GRM7: variants seen among roughly 807,000 people sequenced by gnomAD.
The protein encoded by GRM7 is metabotropic glutamate receptor 7.
In GRM7, 35 loss-of-function variants were observed where a neutral mutation model predicts 84.5. The observed-to-expected ratio is 0.41, with a 90% CI of 0.32 to 0.55. The LOEUF (loss-of-function observed/expected upper bound fraction) is 0.55. Among genes scored for constraint, GRM7 ranks in the 20% least tolerant of loss-of-function variants. The pLI, the probability that GRM7 is intolerant of heterozygous loss-of-function variation, is 0.19. For missense variants in GRM7, 1,003 were observed against 1,194.6 expected, an observed-to-expected ratio of 0.84 and a Z score of 2.36; for synonymous variants, 487 against 455.1, an observed-to-expected ratio of 1.07 and a Z score of -0.89.
At chr3:6,946,882 T>G (rs1337118491) in intron 1 of GRM7, among the ~76,000 whole-genome samples, 1 of 152,210 alleles carries the variant, frequency 6.6e-6, no homozygotes, top group African/African-American at 2.4e-5. Context: ...AGAAAGCTTG[T>G]GATTTTTGCA....
chr3:7,679,262 AG>A (rs1271933020), intron 8 of GRM7, among the ~76,000 whole-genome samples: 16 of 152,344 alleles, frequency 1.1e-4, no homozygotes, highest in African/African-American at 3.8e-4. Context: ...CATGATCTAA[AG>A]GACAGCCCAA....
At chr3:6,916,171 A>G (rs1313860264) in intron 1 of GRM7, among the ~76,000 whole-genome samples, 3 of 152,222 alleles carry the variant, frequency 2.0e-5, no homozygotes, top group Non-Finnish European at 4.4e-5. Flanking sequence ...CACTAAAGAT[A>G]CAATAATGGG....
At position 7,547,952 on chromosome 3, in the gene GRM7, G is replaced by A. The variant is rs117534611; in HGVS notation, c.1516-30470G>A. On this transcript the variant is annotated intron_variant, in intron 7 of 9. Coordinates refer to ENST00000357716, the MANE Select transcript of GRM7 (RefSeq NM_000844.4). ...TGGAACAGAGAGAGGACTGACTATG[G>A]ATTCTGAAATGAAGCCCAAAAAAGG... is the stretch of plus-strand genomic sequence containing the variant. 2.8e-3 allele frequency among the ~76,000 whole-genome samples: 420 copies of A among 152,304 alleles called. 6 individuals are homozygous for A. Among genetic ancestry groups the A allele is most frequent in the Admixed American group, 0.022 (344 of 15,306 alleles).
chr3:7,328,469 A>G (rs1701069612), intron 4 of GRM7, among the ~76,000 whole-genome samples: 1 of 152,160 alleles, frequency 6.6e-6, no homozygotes, highest in Non-Finnish European at 1.5e-5. Context: ...ATAGGATGCT[A>G]GCAATAGCAC....
At position 7,717,456 on chromosome 3, in the gene GRM7, C is replaced by T. The variant is rs55674027; in HGVS notation, c.2699-22901C>T. On this transcript the variant is annotated intron_variant, in intron 9 of 9. Coordinates refer to ENST00000357716, the MANE Select transcript of GRM7 (RefSeq NM_000844.4). ...TTCTCCACCAGAAAACAGAGTCAGC[C>T]ATCCTGCCACAGGGCTTTCAAATAC... 7.5e-3 allele frequency among the ~76,000 whole-genome samples: 1,147 copies of T among 152,208 alleles called. 10 individuals are homozygous for T. Among genetic ancestry groups the T allele is most frequent in the South Asian group, 0.025 (120 of 4,806 alleles).
intron 1 of GRM7, among the ~76,000 whole-genome samples, chr3:6,950,603 G>T (rs1207379372): frequency 2.0e-5 from 3 of 152,246 alleles, no homozygotes; most frequent in African/African-American, 7.2e-5. Context: ...GGACATTTAA[G>T]TCTGCAGAGG....
chr3:7,448,426 G>C (rs992508480), intron 5 of GRM7, among the ~76,000 whole-genome samples: 12 of 152,102 alleles, frequency 7.9e-5, no homozygotes, highest in African/African-American at 1.9e-4. Context: ...GATTGGATTG[G>C]CTTAGACAAA....
chr3:7,317,652 C>A (rs1700630839), intron 4 of GRM7, among the ~76,000 whole-genome samples: 2 of 151,868 alleles, frequency 1.3e-5, no homozygotes, highest in African/African-American at 4.8e-5. Context: ...GCTAAGTAGG[C>A]ATGGATAGAT....
intron 2 of GRM7, among the ~76,000 whole-genome samples, chr3:7,156,721 A>G (rs1245516141): frequency 6.6e-6 from 1 of 152,190 alleles, no homozygotes; most frequent in Non-Finnish European, 1.5e-5. Context: ...GCCCTTTTGT[A>G]TCATGACCTT....
At chr3:7,690,520 T>C (rs1700760570) in intron 9 of GRM7, among the ~76,000 whole-genome samples, 1 of 152,206 alleles carries the variant, frequency 6.6e-6, no homozygotes, top group Non-Finnish European at 1.5e-5. Flanking sequence ...AAACGTGATG[T>C]CACAGGTTTC....
At chr3:7,666,091 G>A (rs993647699) in intron 8 of GRM7, among the ~76,000 whole-genome samples, 6 of 152,128 alleles carry the variant, frequency 3.9e-5, no homozygotes, top group Non-Finnish European at 8.8e-5. Context: ...TATATACTGT[G>A]AATGAAAAGA....
intron 8 of GRM7, among the ~76,000 whole-genome samples, chr3:7,621,647 G>C (rs1003028345): frequency 1.3e-5 from 2 of 152,074 alleles, no homozygotes; most frequent in African/African-American, 4.8e-5. Context: ...TACAACAGCA[G>C]TGATCAAAGG....
intron 1 of GRM7, among the ~76,000 whole-genome samples, chr3:7,003,238 C>T (rs973834178): frequency 9.9e-5 from 15 of 152,056 alleles, no homozygotes; most frequent in African/African-American, 3.4e-4. Context: ...GAATTGATTT[C>T]TAATGTTCTC....
intron 1 of GRM7, among the ~76,000 whole-genome samples, chr3:7,109,924 A>T (rs1468125810): frequency 1.3e-5 from 2 of 152,046 alleles, no homozygotes; most frequent in African/African-American, 4.8e-5. Flanking sequence ...TATATGTTTG[A>T]ATCTTGTATT....
At chr3:6,968,899 A>G (rs1693630343) in intron 1 of GRM7, among the ~76,000 whole-genome samples, 1 of 152,194 alleles carries the variant, frequency 6.6e-6, no homozygotes, top group Admixed American at 6.5e-5. Flanking sequence ...GGGTTGTCAG[A>G]TTTTCTAATT....
intron 1 of GRM7, among the ~76,000 whole-genome samples, chr3:6,960,306 T>C (rs1043022214): frequency 2.6e-5 from 4 of 152,258 alleles, no homozygotes; most frequent in African/African-American, 9.6e-5. Flanking sequence ...CTGATAAAGA[T>C]TTTCCAGCTC....
intron 7 of GRM7, among the ~76,000 whole-genome samples, chr3:7,535,824 A>T (rs1263527248): frequency 3.3e-5 from 5 of 152,222 alleles, no homozygotes; most frequent in Admixed American, 2.6e-4. Context: ...CCCATGTTTT[A>T]CTTGTCAAAC....
At chr3:7,106,717 G>T (rs1301104591) in intron 1 of GRM7, among the ~76,000 whole-genome samples, 1 of 151,992 alleles carries the variant, frequency 6.6e-6, no homozygotes, top group African/African-American at 2.4e-5. Flanking sequence ...ACCTGCATTT[G>T]TCACTACTGC....
chr3:7,291,572 A>G (rs1435588254), intron 2 of GRM7, among the ~76,000 whole-genome samples: 1 of 142,024 alleles, frequency 7.0e-6, no homozygotes, highest in Admixed American at 7.2e-5. Context: ...CCGTCTGTCT[A>G]TTTTTACCAA....
Sources: allele counts gnomAD v4.1 joint callset (sites outside exome capture counted in the v4.1 genomes callset), GRCh38; gene constraint gnomAD v4.1.1; transcripts MANE v1.5; gene names NCBI Gene and HGNC (gene_info 2026-07-23, HGNC 2026-07-21).